SAFB2: variants seen among roughly 807,000 people sequenced by gnomAD.
SAFB2 encodes scaffold attachment factor B2.
SAFB2 carries 32 observed loss-of-function variants against 100.6 expected under a neutral mutation model. The observed-to-expected ratio is 0.32, with a 90% CI of 0.24 to 0.43. The LOEUF (loss-of-function observed/expected upper bound fraction) is 0.43, where lower values mean the gene tolerates loss of function less well. SAFB2 is among the 20% of genes least tolerant of loss of function. SAFB2 has a pLI of 1.00. For synonymous variants in SAFB2, 500 were observed against 439.4 expected (o/e 1.14, Z -1.72); for missense variants, 1,185 against 1,163.4 (o/e 1.02, Z -0.27).
chr19:5,619,396 CAGA>C (rs2053096982), intron 2 of SAFB2, among the ~76,000 whole-genome samples: 1 of 152,350 alleles, frequency 6.6e-6, no homozygotes, highest in African/African-American at 2.4e-5. Context: ...TTTATAGCAA[CAGA>C]AGAACTTTAT....
At chr19:5,594,237 C>T (rs955815563) in intron 14 of SAFB2, 59 bp from the exon 15 acceptor site, 1 of 1,480,074 alleles carries the variant, frequency 6.8e-7, no homozygotes, top group South Asian at 1.4e-5. Context: ...GGAGAAAGCC[C>T]GGTGCCCAAA....
Position 5,621,468 on chromosome 19 carries a change from A to G in SAFB2, c.187-72T>C, listed in dbSNP as rs2053144317. Reference sequence around the variant, plus strand: ...CACACACTGTTCCTTACAAGTAACAACCTCCCATGAAACAAAGGCAAACCC... The same window carrying G: ...CACACACTGTTCCTTACAAGTAACAGCCTCCCATGAAACAAAGGCAAACCC... On this transcript the variant is annotated intron_variant, in intron 1 of 20. Transcript: ENST00000252542. The G allele has an allele frequency of 8.1e-6, 8 of 987,406 alleles. No individual in the cohort carries two copies. In the South Asian group the frequency reaches 1.0e-4, roughly 13 times the overall value. The allele number at this position is 987,406 out of a possible 1,614,324, so 61.2% of individuals were successfully genotyped here.
intron 6 of SAFB2, chr19:5,611,918 G>A (rs1019830542): frequency 1.1e-5 from 6 of 529,204 alleles, no homozygotes; most frequent in African/African-American, 9.6e-5. Context: ...TTTTGTTCAA[G>A]TCTGGGTCTT....
chr19:5,603,646 G>A (rs1435816549), intron 11 of SAFB2, among the ~76,000 whole-genome samples: 1 of 151,578 alleles, frequency 6.6e-6, no homozygotes, highest in East Asian at 1.9e-4. Context: ...GTACCCCAAG[G>A]TGCCACCGTG....
intron 13 of SAFB2, among the ~76,000 whole-genome samples, chr19:5,596,304 C>T (rs2052534947): frequency 6.6e-6 from 1 of 152,156 alleles, no homozygotes; most frequent in South Asian, 2.1e-4. Context: ...TAATGCAAAA[C>T]AGTGCTCCTA....
chr19:5,600,356 C>G (rs912633183), intron 11 of SAFB2, 96 bp from the exon 12 acceptor site: 8 of 1,515,902 alleles, frequency 5.3e-6, no homozygotes, highest in Non-Finnish European at 7.1e-6. Flanking sequence ...CAGACGTCCA[C>G]ACAAAACAAA....
At chr19:5,612,324 C>T (rs1470874465) in intron 6 of SAFB2, 3 of 601,544 alleles carry the variant, frequency 5.0e-6, no homozygotes, top group East Asian at 5.5e-5. Flanking sequence ...ATCACTACTA[C>T]ATTGCACCAA....
Position 5,616,316 on chromosome 19 carries a change from A to C in SAFB2, c.359T>G (p.Leu120Arg). The C allele has an allele frequency of 6.2e-7, 1 of 1,614,192 alleles. No homozygotes were observed. The highest frequency in any genetic ancestry group is 1.1e-5 in the South Asian group (1 of 91,084). ...CATGCCCATATTCTGCAGGTTCTCCAGACTTGCTTCCATGTCCTCCTGTAA... is the reference window on the plus strand; with the variant it reads ...CATGCCCATATTCTGCAGGTTCTCCCGACTTGCTTCCATGTCCTCCTGTAA... Reference protein sequence around the residue: ...RDGQEDMEASLENLQNMGMMD... With the variant: ...RDGQEDMEASRENLQNMGMMD... The change falls in exon 4 of 21, where the codon CTG (leucine) becomes CGG (arginine). Residue 120 changes from leucine (L) to arginine (R), a missense_variant. This residue lies in a region of SAFB2 where 351 missense variants were observed against 341.2 expected (regional missense o/e 1.03). Transcript: ENST00000252542.
At chr19:5,599,069 T>TG (rs751176709) in intron 12 of SAFB2, among the ~76,000 whole-genome samples, 185 bp from the exon 13 acceptor site, 2 of 152,164 alleles carry the variant, frequency 1.3e-5, no homozygotes, top group African/African-American at 4.8e-5. Context: ...CACAGCATCA[T>TG]GGGGGTACCC....
chr19:5,622,764 C>G lies in SAFB2; in HGVS notation c.-49G>C. The G allele has an allele frequency of 6.5e-7, 1 of 1,549,288 alleles. No individual in the cohort carries two copies. The highest frequency in any genetic ancestry group is 8.7e-7 in the Non-Finnish European group (1 of 1,151,618). Reference sequence around the variant, plus strand: ...CGACTCAGTCGCACACCGCCGGCAGCTATAGCGGCTCTGAACACAAAATGG... The same window carrying G: ...CGACTCAGTCGCACACCGCCGGCAGGTATAGCGGCTCTGAACACAAAATGG... On this transcript the variant is annotated 5_prime_UTR_variant, in exon 1 of 21. Coordinates refer to ENST00000252542, the MANE Select transcript of SAFB2 (RefSeq NM_014649.3).
chr19:5,607,410 G>T (rs1230252089), intron 9 of SAFB2, among the ~76,000 whole-genome samples: 1 of 152,094 alleles, frequency 6.6e-6, no homozygotes, highest in Non-Finnish European at 1.5e-5. Flanking sequence ...AAAGATCGAC[G>T]GGAGGGGAAA....
chr19:5,618,783 G>A (rs758191631), intron 2 of SAFB2, among the ~76,000 whole-genome samples: 3 of 152,224 alleles, frequency 2.0e-5, no homozygotes, highest in Admixed American at 6.5e-5. Flanking sequence ...GACAGGCGAC[G>A]CCCCAATCCC....
At chr19:5,615,976 C>A in intron 4 of SAFB2, 156 bp downstream of exon 4, 1 of 651,374 alleles carries the variant, frequency 1.5e-6, no homozygotes, top group Non-Finnish European at 2.7e-6. Flanking sequence ...CCCTGAGCTA[C>A]ACAGCGTTTA....
At chr19:5,612,196 G>A (rs1489546504) in intron 6 of SAFB2, 17 of 376,302 alleles carry the variant, frequency 4.5e-5, no homozygotes, top group East Asian at 1.1e-4. Context: ...CCTTAACTGC[G>A]TTAATCAAAA....
Position 5,589,498 on chromosome 19 carries a change from C to A in SAFB2, c.2525+780G>T, listed in dbSNP as rs560661505. ...TGGCGCTGGGCAGGGTCCGAGGCAG[C>A]CCTGGGCCAGGGCTGGAGACAAGAC... On this transcript the variant is annotated intron_variant, in intron 18 of 20. Transcript: ENST00000252542. Among the ~76,000 whole-genome samples the A allele has an allele frequency of 3.9e-5, 6 of 152,118 alleles. No homozygotes were observed. The South Asian group carries it at 1.2e-3, about 32-fold the overall frequency.
chr19:5,616,946 G>A (rs74254985), intron 2 of SAFB2, among the ~76,000 whole-genome samples: 2 of 152,142 alleles, frequency 1.3e-5, no homozygotes, highest in East Asian at 3.9e-4. Flanking sequence ...CATGGTGCCC[G>A]GCCTCAATTG....
intron 8 of SAFB2, 126 bp downstream of exon 8, chr19:5,610,512 AG>A: frequency 1.4e-6 from 1 of 710,294 alleles, no homozygotes; most frequent in Non-Finnish European, 2.4e-6. Context: ...AGAAACCATT[AG>A]GTGGTTGATT....
Position 5,587,959 on chromosome 19 carries a change from C to T in SAFB2, c.2547G>A (p.Glu849=). The T allele has an allele frequency of 1.2e-6, 2 of 1,612,838 alleles. No homozygotes were observed. Among genetic ancestry groups the T allele is most frequent in the African/African-American group, 1.3e-5 (1 of 75,062 alleles). ...GGTGCTCCTCTAGCCGCTGGTTGTGCTCTCCCCAGTCACGGCCACCCCTTT... is the reference window on the plus strand; with the variant it reads ...GGTGCTCCTCTAGCCGCTGGTTGTGTTCTCCCCAGTCACGGCCACCCCTTT... ...PPPRGGRDWG[E]HNQRLEEHQA... Residue 849 remains glutamate (E), a synonymous_variant, in exon 19 of 21, where the codon GAG becomes GAA. Coordinates refer to ENST00000252542, the MANE Select transcript of SAFB2 (RefSeq NM_014649.3). This position sits in a 1 kb window ranked among gnomAD's most constrained non-coding sequence, Gnocchi z 4.9.
Position 5,594,077 on chromosome 19 carries a change from C to G in SAFB2, c.2021G>C (p.Arg674Pro). Reference protein sequence around the residue: ...QRERLQLECQRQRLERERMER... With the variant: ...QRERLQLECQPQRLERERMER... ...CATGCGCTCCCGCTCCAGCCGCTGG[C>G]GCTGGCACTCGAGCTGCAGGCGTTC... The change falls in exon 15 of 21, where the codon CGC becomes CCC. Residue 674 changes from arginine (R) to proline (P), a missense_variant. By Grantham distance (103) the Arg-to-Pro change is moderately radical. Around this residue, in one of 3 missense-constraint regions of SAFB2, gnomAD observed 740 missense variants for 687.1 expected, o/e 1.08. Transcript: ENST00000252542. 1.3e-6 allele frequency: 2 copies of G among 1,595,242 alleles called. No individual in the cohort carries two copies. Among genetic ancestry groups the G allele is most frequent in the Non-Finnish European group, 8.5e-7 (1 of 1,175,838 alleles).
Sources: gnomAD v4.1 joint callset for allele counts (sites outside exome capture counted in the v4.1 genomes callset) on GRCh38, gnomAD v4.1.1 for gene constraint, gnomAD v4.1.1 regional missense constraint, Gnocchi (gnomAD v3.1) non-coding constraint, MANE v1.5 for transcripts, NCBI Gene and HGNC (gene_info 2026-07-23, HGNC 2026-07-21) for gene names.